Variants in DLGAP1 observed in about 807,000 individuals in gnomAD.
The protein encoded by DLGAP1 is DLG associated protein 1, also known as disks large-associated protein 1.
DLGAP1 carries 11 observed loss-of-function variants against 90.8 expected under a neutral mutation model. That is an observed-to-expected ratio of 0.12 (90% CI 0.08 to 0.20). The LOEUF (loss-of-function observed/expected upper bound fraction) is 0.20. Ranked by LOEUF, DLGAP1 falls within the 10% of genes least tolerant of loss-of-function variation. The pLI is 1.00. For missense variants in DLGAP1, 1,050 were observed against 1,333.8 expected, an observed-to-expected ratio of 0.79 and a Z score of 3.31; for synonymous variants, 558 against 540.7, an observed-to-expected ratio of 1.03 and a Z score of -0.44.
At chr18:4,366,345 G>T (rs1356620153) in intron 1 of DLGAP1, among the ~76,000 whole-genome samples, 1 of 151,998 alleles carries the variant, frequency 6.6e-6, no homozygotes, top group Non-Finnish European at 1.5e-5. Flanking sequence ...GGAAAATTAG[G>T]GTTCTGAGAA....
intron 7 of DLGAP1, chr18:3,596,676 G>A: frequency 2.6e-6 from 1 of 389,708 alleles, no homozygotes; most frequent in Admixed American, 3.5e-5. Flanking sequence ...GTGGCTCACG[G>A]TACTAGTGTG....
chr18:3,721,279 C>T (rs2147347969), intron 7 of DLGAP1, among the ~76,000 whole-genome samples: 1 of 152,256 alleles, frequency 6.6e-6, no homozygotes, highest in South Asian at 2.1e-4. Flanking sequence ...AGACATCTGA[C>T]CACTTCATCA....
intron 1 of DLGAP1, among the ~76,000 whole-genome samples, chr18:4,358,408 A>G (rs568315461): frequency 6.6e-6 from 1 of 152,304 alleles, no homozygotes; most frequent in African/African-American, 2.4e-5. Flanking sequence ...AGAAAGTTAA[A>G]AGGCCTTTAG....
chr18:3,567,688 G>A (rs1426927801), intron 8 of DLGAP1, 107 bp from the exon 9 acceptor site: 3 of 974,678 alleles, frequency 3.1e-6, no homozygotes, highest in African/African-American at 1.6e-5. Flanking sequence ...GGAATGTTTT[G>A]TAATTTATAA....
intron 5 of DLGAP1, among the ~76,000 whole-genome samples, chr18:3,793,798 CCT>C (rs1164701219): frequency 3.4e-4 from 52 of 152,210 alleles, no homozygotes; most frequent in African/African-American, 1.2e-3. Context: ...TCTGCGACCC[CCT>C]GACACTATCC....
At chr18:4,445,188 T>C (rs559597029) in intron 1 of DLGAP1, among the ~76,000 whole-genome samples, 1 of 152,254 alleles carries the variant, frequency 6.6e-6, no homozygotes, top group South Asian at 2.1e-4. Context: ...TACAAATCAG[T>C]TCCCTATTCC....
intron 4 of DLGAP1, among the ~76,000 whole-genome samples, chr18:3,833,028 GC>G (rs1598925408): frequency 6.6e-6 from 1 of 152,192 alleles, no homozygotes; most frequent in East Asian, 1.9e-4. Context: ...AGCTCAAATA[GC>G]TTTCTAAAGG....
chr18:4,008,203 GTAAA>G (rs890050250), intron 2 of DLGAP1, among the ~76,000 whole-genome samples: 19 of 147,384 alleles, frequency 1.3e-4, no homozygotes, highest in African/African-American at 2.8e-4. Context: ...AACCCTATAT[GTAAA>G]TAAATAAATA....
chr18:3,764,477 T>C (rs142701394), intron 5 of DLGAP1, among the ~76,000 whole-genome samples: 1 of 152,346 alleles, frequency 6.6e-6, no homozygotes, highest in Admixed American at 6.5e-5. Context: ...TGTGATCTAC[T>C]GTTTCCAATG....
chr18:3,747,433 A>C (rs2063317371), intron 5 of DLGAP1, among the ~76,000 whole-genome samples: 1 of 152,232 alleles, frequency 6.6e-6, no homozygotes, highest in African/African-American at 2.4e-5. Context: ...TCGTAGCTGG[A>C]AGCATTTATA....
chr18:3,870,727 C>A (rs751015029), intron 4 of DLGAP1, among the ~76,000 whole-genome samples: 4 of 152,040 alleles, frequency 2.6e-5, no homozygotes, highest in Non-Finnish European at 4.4e-5. Context: ...ATGAGGGATG[C>A]TGATTTCAAA....
At chr18:4,144,856 T>A (rs1261808668) in intron 2 of DLGAP1, among the ~76,000 whole-genome samples, 1 of 152,228 alleles carries the variant, frequency 6.6e-6, no homozygotes, top group Non-Finnish European at 1.5e-5. Context: ...GTGCCTTTTC[T>A]TCCAAGTTGC....
At chr18:3,502,464 T>C in intron 12 of DLGAP1, 29 bp downstream of exon 12, 3 of 1,613,754 alleles carry the variant, frequency 1.9e-6, no homozygotes, top group Non-Finnish European at 2.5e-6. Flanking sequence ...GGTTTTTAAA[T>C]GAACCATACA....
At chr18:3,593,021 C>G (rs1348735820) in intron 7 of DLGAP1, among the ~76,000 whole-genome samples, 4 of 152,116 alleles carry the variant, frequency 2.6e-5, no homozygotes, top group African/African-American at 9.7e-5. Flanking sequence ...GAGCAGGCAA[C>G]GGACATCCCT....
intron 1 of DLGAP1, among the ~76,000 whole-genome samples, chr18:4,224,784 GAGA>G (rs1183019848): frequency 6.6e-6 from 1 of 152,204 alleles, no homozygotes; most frequent in African/African-American, 2.4e-5. Context: ...CTACACTGAA[GAGA>G]AGGATACAAG....
At chr18:3,902,314 C>A (rs939327546) in intron 3 of DLGAP1, among the ~76,000 whole-genome samples, 1 of 152,058 alleles carries the variant, frequency 6.6e-6, no homozygotes, top group East Asian at 1.9e-4. Flanking sequence ...GAAGTAATAT[C>A]GAGTTGCTTT....
chr18:4,298,562 G>A (rs1389561482), intron 1 of DLGAP1, among the ~76,000 whole-genome samples: 8 of 151,534 alleles, frequency 5.3e-5, no homozygotes, highest in African/African-American at 1.9e-4. Flanking sequence ...TCACAGGTGG[G>A]AACTGAACGA....
intron 9 of DLGAP1, among the ~76,000 whole-genome samples, chr18:3,535,722 A>T (rs1250488903): frequency 6.8e-6 from 1 of 146,584 alleles, no homozygotes; most frequent in Non-Finnish European, 1.5e-5. Context: ...AAAAAAAAGA[A>T]GAAAAGAAAA....
intron 5 of DLGAP1, among the ~76,000 whole-genome samples, chr18:3,808,909 A>G (rs1392322576): frequency 3.3e-5 from 5 of 152,276 alleles, no homozygotes; most frequent in Admixed American, 3.3e-4. Context: ...AAATATCCAG[A>G]ATTAAAGTTG....
Sources: gnomAD v4.1 joint callset for allele counts (sites outside exome capture counted in the v4.1 genomes callset) on GRCh38, gnomAD v4.1.1 for gene constraint, MANE v1.5 for transcripts, NCBI Gene and HGNC (gene_info 2026-07-23, HGNC 2026-07-21) for gene names.